The following MCTP1 variants were observed in gnomAD, a reference collection of about 807,000 sequenced individuals.
The protein encoded by MCTP1 is multiple C2 and transmembrane domain-containing protein 1.
In MCTP1, 69 loss-of-function variants were observed where a neutral mutation model predicts 120.6. That is an observed-to-expected ratio of 0.57 (90% CI 0.47 to 0.70). MCTP1 has a LOEUF of 0.70. Among genes scored for constraint, MCTP1 ranks in the 30% least tolerant of loss-of-function variants. The pLI is 0.00. For missense variants in MCTP1, 1,203 were observed against 1,248.8 expected (o/e 0.96, Z 0.55); for synonymous variants, 529 against 493.1 (o/e 1.07, Z -0.96).
At chr5:94,757,633 A>T (rs889640933) in intron 19 of MCTP1, among the ~76,000 whole-genome samples, 32 of 152,214 alleles carry the variant, frequency 2.1e-4, no homozygotes, top group African/African-American at 7.2e-4. Flanking sequence ...AAAGGCAGAA[A>T]TGGAGATTTC....
At chr5:94,941,975 A>AGTAGTCCAATTCTTAATAATTATGACT (rs1817843910) in intron 4 of MCTP1, among the ~76,000 whole-genome samples, 1 of 152,050 alleles carries the variant, frequency 6.6e-6, no homozygotes, top group Non-Finnish European at 1.5e-5. Flanking sequence ...TTTTATATAT[A>AGTAGTCCAATTCTTAATAATTATGACT]GTAGTCCAAT....
chr5:95,272,072 CT>C (rs1759449974), intron 1 of MCTP1, among the ~76,000 whole-genome samples: 1 of 152,176 alleles, frequency 6.6e-6, no homozygotes, highest in Middle Eastern at 3.4e-3. Flanking sequence ...TATTGGCATT[CT>C]TCTGGTTATC....
At position 94,706,298 on chromosome 5, in the gene MCTP1, G is replaced by GAT. The variant is rs1244564768; in HGVS notation, c.*1196_*1197dup. The GAT allele has an allele frequency of 7.3e-5, 11 of 151,570 alleles. No homozygotes were observed. Among genetic ancestry groups the GAT allele is most frequent in the African/African-American group, 2.4e-4 (10 of 41,334 alleles). 9.4% of individuals were successfully genotyped at this position (151,570 alleles called of 1,614,324 possible). On this transcript the variant is annotated 3_prime_UTR_variant, in exon 23 of 23. Coordinates refer to ENST00000515393, the MANE Select transcript of MCTP1 (RefSeq NM_024717.7). ...GCTCCCTTAGTATACCAGGGAGTGA[G>GAT]ATATAAAAACTACTTTAAGAGTCTT...
At chr5:94,915,116 C>T (rs763421017) in intron 8 of MCTP1, among the ~76,000 whole-genome samples, 7 of 152,152 alleles carry the variant, frequency 4.6e-5, no homozygotes, top group Non-Finnish European at 1.0e-4. Flanking sequence ...CTAATAGCTG[C>T]CAACTTATAT....
At chr5:94,707,621 G>T in intron 22 of MCTP1, 54 bp from the exon 23 acceptor site, 2 of 1,316,128 alleles carry the variant, frequency 1.5e-6, no homozygotes, top group Non-Finnish European at 2.2e-6. Context: ...TTCTGGCAAA[G>T]AAAGGAACAG....
chr5:95,011,242 T>G (rs918187352), intron 2 of MCTP1, among the ~76,000 whole-genome samples: 1 of 152,202 alleles, frequency 6.6e-6, no homozygotes, highest in African/African-American at 2.4e-5. Context: ...GATGATATTT[T>G]GCCTACTATT....
intron 1 of MCTP1, among the ~76,000 whole-genome samples, chr5:95,138,715 C>A (rs1759656008): frequency 6.6e-6 from 1 of 151,374 alleles, no homozygotes; most frequent in South Asian, 2.1e-4. Flanking sequence ...TGCTCCCTCT[C>A]ACATCCCTCT....
At chr5:94,934,737 G>GTTTTTTTT (rs3030499) in intron 5 of MCTP1, among the ~76,000 whole-genome samples, 1 of 136,586 alleles carries the variant, frequency 7.3e-6, no homozygotes, top group African/African-American at 2.7e-5. Flanking sequence ...AGATAAAGAA[G>GTTTTTTTT]TTTTTTTTTT....
chr5:95,037,284 C>T (rs1299797718), intron 1 of MCTP1, among the ~76,000 whole-genome samples: 1 of 152,180 alleles, frequency 6.6e-6, no homozygotes, highest in Non-Finnish European at 1.5e-5. Context: ...TTCACTGAGT[C>T]ATTTAAAATG....
chr5:94,945,461 G>C (rs1818695381), intron 3 of MCTP1, among the ~76,000 whole-genome samples: 1 of 152,110 alleles, frequency 6.6e-6, no homozygotes, highest in Admixed American at 6.6e-5. Flanking sequence ...GGTAATTATG[G>C]CTTCTGGGAA....
intron 17 of MCTP1, among the ~76,000 whole-genome samples, chr5:94,863,207 C>T (rs1204986181): frequency 2.0e-5 from 3 of 151,616 alleles, no homozygotes; most frequent in Admixed American, 1.3e-4. Context: ...ACAGTAAGAC[C>T]ACCAATTGTA....
chr5:95,208,536 T>A (rs765117107), intron 1 of MCTP1, among the ~76,000 whole-genome samples: 1 of 152,192 alleles, frequency 6.6e-6, no homozygotes, highest in African/African-American at 2.4e-5. Context: ...GAGGTAAATA[T>A]ATTATTTTTA....
At chr5:95,074,264 G>A (rs1226935870) in intron 1 of MCTP1, among the ~76,000 whole-genome samples, 3 of 152,196 alleles carry the variant, frequency 2.0e-5, no homozygotes, top group Non-Finnish European at 2.9e-5. Context: ...TCACTATCCC[G>A]TAAGGTGAAG....
intron 19 of MCTP1, among the ~76,000 whole-genome samples, chr5:94,757,596 A>G (rs891367447): frequency 6.6e-5 from 10 of 152,308 alleles, no homozygotes; most frequent in African/African-American, 2.4e-4. Flanking sequence ...GTCTAAGAGG[A>G]TGGAAAGAGA....
intron 1 of MCTP1, among the ~76,000 whole-genome samples, chr5:95,202,036 C>A (rs913515403): frequency 6.6e-6 from 1 of 152,078 alleles, no homozygotes; most frequent in East Asian, 1.9e-4. Flanking sequence ...ACTGGTGAAG[C>A]ATTGTTTCTA....
chr5:94,798,947 T>G, intron 18 of MCTP1, 66 bp downstream of exon 18: 1 of 1,527,838 alleles, frequency 6.5e-7, no homozygotes. Context: ...AAATTCAATG[T>G]TGATCTTGTC....
intron 17 of MCTP1, among the ~76,000 whole-genome samples, chr5:94,808,650 A>G (rs139706307): frequency 6.6e-6 from 1 of 152,176 alleles, no homozygotes; most frequent in Non-Finnish European, 1.5e-5. Context: ...TCTTATGTGT[A>G]GAGGAAAAAA....
At chr5:95,214,314 G>C (rs1297902896) in intron 1 of MCTP1, among the ~76,000 whole-genome samples, 1 of 152,088 alleles carries the variant, frequency 6.6e-6, no homozygotes, top group African/African-American at 2.4e-5. Context: ...ACCACAATGA[G>C]ATACCATCTC....
intron 1 of MCTP1, among the ~76,000 whole-genome samples, chr5:95,123,266 TTAAAAA>T: frequency 2.0e-5 from 3 of 151,946 alleles, no homozygotes; most frequent in East Asian, 3.9e-4. Flanking sequence ...CCCACAAAAA[TTAAAAA>T]TAAAATCTGG....
Sources: allele counts gnomAD v4.1 joint callset (sites outside exome capture counted in the v4.1 genomes callset), GRCh38; gene constraint gnomAD v4.1.1; transcripts MANE v1.5; gene names NCBI Gene and HGNC (gene_info 2026-07-23, HGNC 2026-07-21).